The following STIM2 variants were observed in gnomAD, a reference collection of about 807,000 sequenced individuals.
STIM2 encodes stromal interaction molecule 2.
A neutral mutation model predicts 85.8 loss-of-function variants in STIM2; 31 were observed. The observed-to-expected ratio is 0.36, with a 90% CI of 0.27 to 0.49. STIM2 has a LOEUF of 0.49. STIM2 is among the 20% of genes least tolerant of loss of function. The probability of loss-of-function intolerance (pLI) is 0.98; values close to 1 mark genes in which losing one functional copy is unlikely to be tolerated. For missense variants in STIM2, 841 were observed against 927.6 expected, an observed-to-expected ratio of 0.91 and a Z score of 1.21; for synonymous variants, 356 against 331.1, an observed-to-expected ratio of 1.08 and a Z score of -0.82.
intron 3 of STIM2, among the ~76,000 whole-genome samples, chr4:26,971,269 T>G (rs1296979584): frequency 6.6e-6 from 1 of 152,256 alleles, no homozygotes; most frequent in East Asian, 1.9e-4. Context: ...TTGTCTATTT[T>G]GGCTTTTGTG....
In STIM2 at chr4:26,999,255, T is replaced by C; in HGVS notation, c.533T>C (p.Phe178Ser). The C allele has an allele frequency of 6.2e-7, 1 of 1,607,980 alleles. No individual in the cohort carries two copies. The highest frequency in any genetic ancestry group is 8.5e-7 in the Non-Finnish European group (1 of 1,176,920). Residue 178 changes from phenylalanine to serine, a missense_variant, in exon 5 of 12, where the codon TTT becomes TCT. By Grantham distance (155) the Phe-to-Ser change is radical (BLOSUM62 -2). Transcript: ENST00000467087. ...AGGATAGCAGTGCACGAACCTTCAT[T>C]TATGATCTCCCAGTTGAAAATCAGT...
intron 2 of STIM2, among the ~76,000 whole-genome samples, chr4:26,947,558 C>T (rs1234518830): frequency 1.3e-5 from 2 of 152,036 alleles, no homozygotes; most frequent in Non-Finnish European, 2.9e-5. Context: ...GGGGCTGAGG[C>T]CACAGCCGCA....
intron 5 of STIM2, among the ~76,000 whole-genome samples, chr4:27,000,303 G>A (rs995583944): frequency 6.6e-6 from 1 of 152,106 alleles, no homozygotes; most frequent in African/African-American, 2.4e-5. Context: ...GAAACAGCTG[G>A]AACTCCCCAT....
Position 26,861,006 on chromosome 4 carries a change from A to C in STIM2, c.-213A>C. 8.0e-7 allele frequency: 1 copy of C among 1,252,172 alleles called. No homozygotes were observed. The allele number at this position is 1,252,172 out of a possible 1,614,324, so 77.6% of individuals were successfully genotyped here. A position where few individuals can be genotyped will look rare whatever the true frequency, so the allele number is the denominator to read the frequency against. ...TCCGGAGGCCGCCGGTGCCGATGGGACCAGGCTGGCGCCCGGCGGGAGCCC... is the reference window on the plus strand; with the variant it reads ...TCCGGAGGCCGCCGGTGCCGATGGGCCCAGGCTGGCGCCCGGCGGGAGCCC... On this transcript the variant is annotated 5_prime_UTR_variant, in exon 1 of 12. Coordinates refer to ENST00000467087, the MANE Select transcript of STIM2 (RefSeq NM_020860.4).
chr4:26,946,088 A>G (rs1725824287), intron 2 of STIM2, among the ~76,000 whole-genome samples: 1 of 152,236 alleles, frequency 6.6e-6, no homozygotes, highest in African/African-American at 2.4e-5. Flanking sequence ...TCCCAGAAAC[A>G]GAACTGTGTA....
rs922718416 is a variant in STIM2, at chr4:26,998,625, A to G, written c.510-607A>G. On this transcript the variant is annotated intron_variant, in intron 4 of 11. Transcript: ENST00000467087. The stretch of plus-strand genomic sequence containing the variant: ...AATTAATGACTATAAAATATTTTCA[A>G]CTTTAGGCTGGGAGCGGTGGTTCAT... Among the ~76,000 whole-genome samples, 3 of 152,244 alleles carry G rather than the reference A, an allele frequency of 2.0e-5. No homozygotes were observed. The South Asian group carries it at 6.2e-4, about 32-fold the overall frequency.
At chr4:26,929,334 A>G (rs535311468) in intron 2 of STIM2, among the ~76,000 whole-genome samples, 3 of 152,268 alleles carry the variant, frequency 2.0e-5, no homozygotes, top group African/African-American at 7.2e-5. Context: ...CAGTTCTTGT[A>G]CTATAGTCCT....
chr4:26,984,192 C>T (rs543062838), intron 3 of STIM2, among the ~76,000 whole-genome samples: 41 of 152,152 alleles, frequency 2.7e-4, no homozygotes, highest in Non-Finnish European at 5.6e-4. Context: ...TCCATTCACT[C>T]GTCCAATAAA....
At chr4:26,997,459 A>G (rs1010329251) in intron 4 of STIM2, among the ~76,000 whole-genome samples, 3 of 152,192 alleles carry the variant, frequency 2.0e-5, no homozygotes, top group African/African-American at 7.2e-5. Flanking sequence ...CACCTGACAC[A>G]TACCACCTCA....
chr4:27,004,377 G>T (rs1262635156), intron 7 of STIM2, among the ~76,000 whole-genome samples: 1 of 152,090 alleles, frequency 6.6e-6, no homozygotes, highest in Non-Finnish European at 1.5e-5. Context: ...AAAAGGCCTA[G>T]TCGAAATCAT....
chr4:27,008,347 A>G, intron 8 of STIM2, 81 bp from the exon 9 acceptor site: 1 of 804,378 alleles, frequency 1.2e-6, no homozygotes, highest in Non-Finnish European at 1.9e-6. Context: ...CAAAACCAAA[A>G]CAAACTTTAT....
intron 1 of STIM2, among the ~76,000 whole-genome samples, chr4:26,866,445 C>G (rs538571684): frequency 6.6e-6 from 1 of 152,234 alleles, no homozygotes; most frequent in Admixed American, 6.5e-5. Context: ...AAGGAAGAGG[C>G]TGTTAGAGAG....
At chr4:26,951,173 T>C (rs529433171) in intron 2 of STIM2, among the ~76,000 whole-genome samples, 3 of 152,296 alleles carry the variant, frequency 2.0e-5, no homozygotes, top group African/African-American at 7.2e-5. Flanking sequence ...ATGAAAACTC[T>C]TGAACTTTTT....
intron 11 of STIM2, 22 bp from the exon 12 acceptor site, chr4:27,022,496 AC>A: frequency 6.5e-7 from 1 of 1,544,732 alleles, no homozygotes; most frequent in Non-Finnish European, 8.8e-7. Flanking sequence ...TAAAATTTGT[AC>A]CTTTGTTTGT....
intron 2 of STIM2, among the ~76,000 whole-genome samples, chr4:26,922,963 C>T (rs2109068293): frequency 1.3e-5 from 2 of 152,196 alleles, no homozygotes; most frequent in South Asian, 4.1e-4. Context: ...CCTCTGCAGA[C>T]TTAAATGTCC....
intron 10 of STIM2, among the ~76,000 whole-genome samples, chr4:27,016,058 C>T (rs1368525682): frequency 6.6e-6 from 1 of 151,934 alleles, no homozygotes; most frequent in African/African-American, 2.4e-5. Flanking sequence ...TCAGATCTGC[C>T]TTCTAGCTTA....
At chr4:26,901,767 G>A (rs1723928306) in intron 1 of STIM2, among the ~76,000 whole-genome samples, 1 of 152,158 alleles carries the variant, frequency 6.6e-6, no homozygotes, top group Non-Finnish European at 1.5e-5. Flanking sequence ...TTAATAAATA[G>A]TGGAATTGCG....
intron 3 of STIM2, among the ~76,000 whole-genome samples, chr4:26,958,737 C>T (rs996245362): frequency 2.0e-5 from 3 of 151,972 alleles, no homozygotes; most frequent in Non-Finnish European, 4.4e-5. Context: ...ATAACATGAG[C>T]TCGGATAGGA....
At chr4:26,954,286 G>A (rs890866439) in intron 2 of STIM2, among the ~76,000 whole-genome samples, 2 of 152,052 alleles carry the variant, frequency 1.3e-5, no homozygotes, top group Admixed American at 6.6e-5. Flanking sequence ...TAAAAGAATC[G>A]TCTGAGCGAA....
Sources: gnomAD v4.1 joint callset for allele counts (sites outside exome capture counted in the v4.1 genomes callset) on GRCh38, gnomAD v4.1.1 for gene constraint, MANE v1.5 for transcripts, NCBI Gene and HGNC (gene_info 2026-07-23, HGNC 2026-07-21) for gene names.